Variants in DNAJC1 observed in about 807,000 individuals in gnomAD.
DNAJC1 encodes dnaJ homolog subfamily C member 1.
Under a neutral mutation model 76.6 loss-of-function variants are expected in DNAJC1, and 58 were observed. The observed-to-expected ratio is 0.76, with a 90% CI of 0.61 to 0.94. The LOEUF (loss-of-function observed/expected upper bound fraction) is 0.94. Ranked by LOEUF, DNAJC1 falls within the 40% of genes least tolerant of loss-of-function variation. DNAJC1 has a pLI of 0.00. For synonymous variants in DNAJC1, 258 were observed against 267.9 expected (o/e 0.96, Z 0.36); for missense variants, 689 against 677.3 (o/e 1.02, Z -0.19).
At chr10:21,956,774 A>C (rs1240606590) in intron 1 of DNAJC1, among the ~76,000 whole-genome samples, 8 of 151,468 alleles carry the variant, frequency 5.3e-5, no homozygotes, top group Admixed American at 5.3e-4. Flanking sequence ...AGCCAGATTA[A>C]AACAAAAAAC....
chr10:21,929,272 A>G (rs1837182037), intron 1 of DNAJC1, 131 bp from the exon 2 acceptor site: 3 of 615,328 alleles, frequency 4.9e-6, no homozygotes, highest in Non-Finnish European at 8.5e-6. Flanking sequence ...TTGAGCAATC[A>G]GTCTTAACAA....
Position 21,806,031 on chromosome 10 carries a change from A to T in DNAJC1, c.1047T>A (p.Thr349=). ...TRSMVKFPGG[T]PGRWEKIAHE... is the part of the protein sequence containing the mutation. Reference sequence around the variant, plus strand: ...GGGCAATCTTTTCCCATCGACCTGGAGTCCCTCCTGGGAACTTAACCATAC... The same window carrying T: ...GGGCAATCTTTTCCCATCGACCTGGTGTCCCTCCTGGGAACTTAACCATAC... Residue 349 remains threonine (T), a synonymous_variant, in exon 9 of 12, where the codon ACT becomes ACA. Coordinates refer to ENST00000376980, the MANE Select transcript of DNAJC1 (RefSeq NM_022365.4). 3 of 1,611,922 alleles carry T rather than the reference A, an allele frequency of 1.9e-6. No individual in the cohort carries two copies. Among genetic ancestry groups the T allele is most frequent in the Non-Finnish European group, 2.5e-6 (3 of 1,179,724 alleles).
At chr10:21,825,224 T>C (rs1030788159) in intron 8 of DNAJC1, among the ~76,000 whole-genome samples, 1 of 151,948 alleles carries the variant, frequency 6.6e-6, no homozygotes, top group Non-Finnish European at 1.5e-5. Flanking sequence ...AATAACCCCC[T>C]GTCTCTAGTC....
chr10:21,983,544 G>A (rs551213129), intron 1 of DNAJC1, among the ~76,000 whole-genome samples: 1 of 151,690 alleles, frequency 6.6e-6, no homozygotes, highest in East Asian at 1.9e-4. Context: ...GTCAAACGAA[G>A]ACCTGTCTCC....
chr10:21,825,365 C>T (rs1053966873), intron 8 of DNAJC1, among the ~76,000 whole-genome samples: 22 of 152,176 alleles, frequency 1.4e-4, no homozygotes, highest in African/African-American at 5.3e-4. Flanking sequence ...GTAGCATCTA[C>T]CAGTCTTTTT....
At chr10:21,837,779 TA>T (rs1300903664) in intron 8 of DNAJC1, among the ~76,000 whole-genome samples, 2 of 127,082 alleles carry the variant, frequency 1.6e-5, no homozygotes, top group Admixed American at 8.0e-5. Context: ...AGGAGGGAGG[TA>T]GGGGGCAGCC....
chr10:21,848,276 T>C (rs1835693030), intron 8 of DNAJC1, among the ~76,000 whole-genome samples: 2 of 152,194 alleles, frequency 1.3e-5, no homozygotes, highest in Non-Finnish European at 1.5e-5. Context: ...AAATGTCTAT[T>C]AAGATCATTT....
intron 8 of DNAJC1, among the ~76,000 whole-genome samples, chr10:21,821,882 G>A (rs1564797746): frequency 6.6e-6 from 1 of 150,898 alleles, no homozygotes; most frequent in Non-Finnish European, 1.5e-5. Context: ...TAAATTAAAA[G>A]GATTGAAAAA....
At chr10:21,955,148 C>T (rs1837657713) in intron 1 of DNAJC1, among the ~76,000 whole-genome samples, 1 of 152,136 alleles carries the variant, frequency 6.6e-6, no homozygotes, top group African/African-American at 2.4e-5. Flanking sequence ...GGGAACAGCC[C>T]CCAGTTCAGA....
chr10:21,772,550 A>C (rs926198023), intron 9 of DNAJC1, among the ~76,000 whole-genome samples: 1 of 151,932 alleles, frequency 6.6e-6, no homozygotes, highest in Non-Finnish European at 1.5e-5. Context: ...ATTCCTTTAT[A>C]ATCCTTTTTA....
chr10:21,862,076 GC>G (rs1277795748), intron 8 of DNAJC1, among the ~76,000 whole-genome samples: 1 of 151,700 alleles, frequency 6.6e-6, no homozygotes, highest in African/African-American at 2.4e-5. Flanking sequence ...GCACCACCAC[GC>G]CCGGCTAATT....
intron 1 of DNAJC1, among the ~76,000 whole-genome samples, chr10:21,986,473 G>A (rs942118688): frequency 1.3e-5 from 2 of 152,098 alleles, no homozygotes; most frequent in Non-Finnish European, 2.9e-5. Flanking sequence ...TGTCTATTCA[G>A]ATAGGTTTTT....
intron 11 of DNAJC1, among the ~76,000 whole-genome samples, chr10:21,757,713 C>A (rs1482799446): frequency 6.6e-6 from 1 of 152,192 alleles, no homozygotes; most frequent in Non-Finnish European, 1.5e-5. Context: ...CCCAGAAGGA[C>A]AGTGTGCTCG....
intron 1 of DNAJC1, among the ~76,000 whole-genome samples, chr10:21,947,036 T>C (rs576586765): frequency 6.6e-6 from 1 of 152,302 alleles, no homozygotes; most frequent in African/African-American, 2.4e-5. Flanking sequence ...CACCTTGATA[T>C]TGGACTTTCC....
chr10:21,943,034 A>AT (rs888809731), intron 1 of DNAJC1, among the ~76,000 whole-genome samples: 4 of 151,628 alleles, frequency 2.6e-5, no homozygotes, highest in African/African-American at 9.7e-5. Flanking sequence ...AGTTAAAAAA[A>AT]TTTTTTTTTC....
chr10:21,821,159 G>C lies in DNAJC1; in HGVS notation c.979-15060C>G, dbSNP rs778001953. 5.9e-5 allele frequency among the ~76,000 whole-genome samples: 9 copies of C among 152,208 alleles called. No individual in the cohort carries two copies. In the South Asian group the frequency reaches 6.2e-4, roughly 11 times the overall value. The stretch of plus-strand genomic sequence containing the variant: ...GGGGCAAAACCTTCTCTGGAATGAC[G>C]GTCTTATGACCCACTATCAGACTGA... On this transcript the variant is annotated intron_variant, in intron 8 of 11. Transcript: ENST00000376980.
At chr10:21,821,897 A>G (rs1019858476) in intron 8 of DNAJC1, among the ~76,000 whole-genome samples, 1 of 152,012 alleles carries the variant, frequency 6.6e-6, no homozygotes, top group African/African-American at 2.4e-5. Flanking sequence ...GAAAAAATGT[A>G]TAAGGACATA....
chr10:21,848,395 G>C (rs1369859310), intron 8 of DNAJC1, among the ~76,000 whole-genome samples: 1 of 152,052 alleles, frequency 6.6e-6, no homozygotes, highest in African/African-American at 2.4e-5. Flanking sequence ...CCATTCCATA[G>C]GCTGTCTCTT....
chr10:21,855,223 G>T (rs969367752), intron 8 of DNAJC1, among the ~76,000 whole-genome samples: 5 of 152,066 alleles, frequency 3.3e-5, no homozygotes, highest in African/African-American at 1.2e-4. Flanking sequence ...ATTTTTTTGA[G>T]CTCTCAAATC....
Sources: allele counts gnomAD v4.1 joint callset (sites outside exome capture counted in the v4.1 genomes callset), GRCh38; gene constraint gnomAD v4.1.1; transcripts MANE v1.5; gene names NCBI Gene and HGNC (gene_info 2026-07-23, HGNC 2026-07-21).